ROS1: variants seen among roughly 807,000 people sequenced by gnomAD.
The protein encoded by ROS1 is proto-oncogene tyrosine-protein kinase ROS.
ROS1 carries 263 observed loss-of-function variants against 273.5 expected under a neutral mutation model. That is an observed-to-expected ratio of 0.96 (90% CI 0.87 to 1.06). The LOEUF is 1.06. Among genes scored for constraint, ROS1 ranks in the 50% least tolerant of loss-of-function variants. The pLI is 0.00. For synonymous variants in ROS1, 1,008 were observed against 954.1 expected, an observed-to-expected ratio of 1.06 and a Z score of -1.04; for missense variants, 2,833 against 2,751.1, an observed-to-expected ratio of 1.03 and a Z score of -0.67.
At chr6:117,385,199 GA>G (rs1018162837) in intron 16 of ROS1, among the ~76,000 whole-genome samples, 1 of 152,040 alleles carries the variant, frequency 6.6e-6, no homozygotes, top group African/African-American at 2.4e-5. Flanking sequence ...TATTATTGGG[GA>G]AAAAATACCT....
At chr6:117,395,936 A>AT (rs1320778155) in intron 9 of ROS1, among the ~76,000 whole-genome samples, 2 of 152,132 alleles carry the variant, frequency 1.3e-5, no homozygotes, top group Non-Finnish European at 1.5e-5. Context: ...ATTTGAGGCC[A>AT]TTTTTTTAAA....
chr6:117,372,439 G>A (rs1780881127), intron 18 of ROS1, among the ~76,000 whole-genome samples: 1 of 152,194 alleles, frequency 6.6e-6, no homozygotes. Context: ...CAATAGCACT[G>A]TTTCCGGAAC....
chr6:117,407,108 C>T (rs1375577098), intron 5 of ROS1, among the ~76,000 whole-genome samples: 3 of 152,026 alleles, frequency 2.0e-5, no homozygotes, highest in South Asian at 2.1e-4. Context: ...TCCACAGAAA[C>T]GTCTAGGGTG....
chr6:117,292,323 G>C (rs953687786), intron 43 of ROS1, among the ~76,000 whole-genome samples: 1 of 152,142 alleles, frequency 6.6e-6, no homozygotes, highest in Non-Finnish European at 1.5e-5. Flanking sequence ...GATTCCATGA[G>C]CAAAGAGTTG....
At chr6:117,365,990 T>G (rs1364336549) in intron 19 of ROS1, 86 bp downstream of exon 19, 1 of 1,224,508 alleles carries the variant, frequency 8.2e-7, no homozygotes, top group African/African-American at 1.5e-5. Context: ...AAAACTTAAT[T>G]CTTAAGAAAA....
At chr6:117,356,948 T>C (rs769425197) in intron 25 of ROS1, 33 bp from the exon 26 acceptor site, 16 of 1,544,202 alleles carry the variant, frequency 1.0e-5, no homozygotes, top group Non-Finnish European at 2.7e-6. Context: ...CCCAACTTAA[T>C]GAGTAAAATA....
intron 26 of ROS1, 30 bp downstream of exon 26, chr6:117,356,599 A>T (rs1361889244): frequency 1.3e-6 from 2 of 1,583,620 alleles, no homozygotes; most frequent in Non-Finnish European, 1.7e-6. Context: ...CTTATTAACA[A>T]ATATCTGTGC....
chr6:117,337,190 C>T lies in ROS1; in HGVS notation c.5212G>A (p.Glu1738Lys), dbSNP rs2128616724. Reference protein sequence around the residue: ...KTGENSTSLPESFKTKAGVPN... With the variant: ...KTGENSTSLPKSFKTKAGVPN... Reference sequence around the variant, plus strand: ...TACTCACCTTTTGTCTTAAAGCTTTCTGGAAGTGAGGTGCTATTTTCTCCC... The same window carrying T: ...TACTCACCTTTTGTCTTAAAGCTTTTTGGAAGTGAGGTGCTATTTTCTCCC... Residue 1738 changes from glutamate to lysine, a missense_variant, in exon 32 of 44, where the codon GAA (glutamate) becomes AAA (lysine). Physicochemically the swap from Glu to Lys is moderately conservative, Grantham distance 56. Coordinates refer to ENST00000368507, the MANE Select transcript of ROS1 (RefSeq NM_001378902.1). 6.2e-7 allele frequency: 1 copy of T among 1,612,096 alleles called. No homozygotes were observed. The highest frequency in any genetic ancestry group is 8.5e-7 in the Non-Finnish European group (1 of 1,178,886).
At position 117,291,346 on chromosome 6, in the gene ROS1, G is replaced by A. The variant is rs139309520; in HGVS notation, c.6716-2544C>T. Among the ~76,000 whole-genome samples the A allele has an allele frequency of 1.4e-4, 21 of 152,230 alleles. No individual in the cohort carries two copies. The East Asian group carries it at 3.9e-3, about 28-fold the overall frequency. ...TCTCTATTGTTGGGAATATTACTTA[G>A]AATTTTAATTCTTTCTGCCAACAAC... On this transcript the variant is annotated intron_variant, in intron 43 of 43. Coordinates refer to ENST00000368507, the MANE Select transcript of ROS1 (RefSeq NM_001378902.1).
chr6:117,300,692 G>T (rs1249937168), intron 43 of ROS1, among the ~76,000 whole-genome samples: 1 of 152,120 alleles, frequency 6.6e-6, no homozygotes, highest in African/African-American at 2.4e-5. Context: ...AAGAGAAGGA[G>T]AACAGACCTT....
chr6:117,308,922 A>G lies in ROS1; in HGVS notation c.6423T>C (p.Phe2141=), dbSNP rs1344895541. The stretch of plus-strand genomic sequence containing the variant: ...TTAAAATCTCCCAAATCAGAATTCC[A>G]AAAGACCTAAGAATAGTAGAGGGTT... The part of the protein sequence containing the change: ...IFTTQSDVWS[F]GILIWEILTL... The change falls in exon 42 of 44, where the codon TTT becomes TTC. Residue 2141 remains phenylalanine, a synonymous_variant. Transcript: ENST00000368507. 4.3e-6 allele frequency: 7 copies of G among 1,612,930 alleles called. No individual in the cohort carries two copies. Among genetic ancestry groups the G allele is most frequent in the Middle Eastern group, 1.7e-4 (1 of 6,046 alleles).
intron 2 of ROS1, among the ~76,000 whole-genome samples, chr6:117,416,845 A>G (rs1775373895): frequency 2.0e-5 from 3 of 152,126 alleles, no homozygotes; most frequent in Admixed American, 2.0e-4. Context: ...GCTATCAGAC[A>G]GATTTGATAT....
intron 23 of ROS1, 61 bp from the exon 24 acceptor site, chr6:117,360,072 T>A: frequency 7.3e-7 from 1 of 1,377,162 alleles, no homozygotes. Flanking sequence ...CTTAGCAAAG[T>A]CTCGATTTAA....
intron 39 of ROS1, among the ~76,000 whole-genome samples, chr6:117,311,491 C>A (rs1030742170): frequency 1.3e-5 from 2 of 152,022 alleles, no homozygotes; most frequent in African/African-American, 4.8e-5. Context: ...GTAAAATGGG[C>A]AATAATACTG....
At chr6:117,332,307 T>A (rs1312029886) in intron 32 of ROS1, among the ~76,000 whole-genome samples, 2 of 152,156 alleles carry the variant, frequency 1.3e-5, no homozygotes, top group Non-Finnish European at 2.9e-5. Context: ...ATTCTGAATA[T>A]ATATGCACCC....
chr6:117,307,410 A>G (rs1775189171), intron 42 of ROS1, among the ~76,000 whole-genome samples: 1 of 152,208 alleles, frequency 6.6e-6, no homozygotes, highest in Non-Finnish European at 1.5e-5. Context: ...TGAGTGTTTG[A>G]CAGAGGTGTA....
intron 17 of ROS1, among the ~76,000 whole-genome samples, chr6:117,382,644 T>C (rs1457839896): frequency 3.3e-5 from 5 of 152,080 alleles, no homozygotes; most frequent in African/African-American, 1.2e-4. Context: ...ACAAAAATAG[T>C]TATTGCTTGT....
chr6:117,357,923 T>C lies in ROS1; in HGVS notation c.3720A>G (p.Ser1240=), dbSNP rs759458985. Residue 1240 remains serine (S), a synonymous_variant, in exon 25 of 44, where the codon TCA becomes TCG. Coordinates refer to ENST00000368507, the MANE Select transcript of ROS1 (RefSeq NM_001378902.1). The part of the protein sequence containing the change: ...SRHLYFALKE[S]QNGMQVFDVD... Reference sequence around the variant, plus strand: ...CATCAAATACTTGCATTCCATTTTGTGATTCTTTCAGTGCAAAGTAGAGGT... The same window carrying C: ...CATCAAATACTTGCATTCCATTTTGCGATTCTTTCAGTGCAAAGTAGAGGT... 6.2e-7 allele frequency: 1 copy of C among 1,613,666 alleles called. No homozygotes were observed. The highest frequency in any genetic ancestry group is 1.1e-5 in the South Asian group (1 of 91,066).
intron 3 of ROS1, among the ~76,000 whole-genome samples, chr6:117,415,219 C>A (rs1775250289): frequency 6.6e-6 from 1 of 152,178 alleles, no homozygotes; most frequent in South Asian, 2.1e-4. Flanking sequence ...CATGCTGTAC[C>A]TTTTGGTAAC....
Sources: gnomAD v4.1 joint callset for allele counts (sites outside exome capture counted in the v4.1 genomes callset) on GRCh38, gnomAD v4.1.1 for gene constraint, MANE v1.5 for transcripts, NCBI Gene and HGNC (gene_info 2026-07-23, HGNC 2026-07-21) for gene names.